SNX8: variants seen among roughly 807,000 people sequenced by gnomAD.
SNX8 encodes sorting nexin-8.
In SNX8, 25 loss-of-function variants were observed where a neutral mutation model predicts 51.6. The observed-to-expected ratio is 0.48, with a 90% CI of 0.35 to 0.68. SNX8 has a LOEUF of 0.68. SNX8 is among the 30% of genes least tolerant of loss of function. The pLI is 0.00. For missense variants in SNX8, 695 were observed against 624.0 expected (o/e 1.11, Z -1.21); for synonymous variants, 324 against 277.0 (o/e 1.17, Z -1.68).
chr7:2,336,006 G>C (rs184259255), intron 1 of SNX8, among the ~76,000 whole-genome samples: 18 of 151,548 alleles, frequency 1.2e-4, no homozygotes, highest in Admixed American at 8.6e-4. Flanking sequence ...GAGAGGCTGA[G>C]ACAGGAGAAT....
intron 5 of SNX8, 26 bp downstream of exon 5, chr7:2,269,533 A>G (rs750938664): frequency 3.1e-5 from 43 of 1,391,352 alleles, no homozygotes; most frequent in Admixed American, 4.7e-5. Context: ...TAAAAAAAAA[A>G]AAAAAGAAAA....
chr7:2,275,171 A>G lies in SNX8; in HGVS notation c.359T>C (p.Leu120Pro). The G allele has an allele frequency of 1.9e-6, 3 of 1,614,182 alleles. No individual in the cohort carries two copies. The highest frequency in any genetic ancestry group is 2.5e-6 in the Non-Finnish European group (3 of 1,180,020). Residue 120 changes from leucine (L) to proline (P), a missense_variant, in exon 3 of 11, where the codon CTC (leucine) becomes CCC (proline). Coordinates refer to ENST00000222990, the MANE Select transcript of SNX8 (RefSeq NM_013321.4). ...CATACGGTAGGGGAACTTGTGCAGG[A>G]GCATCTCCTGGAAGACCACGAAGTC... ...YNDFVVFQEM[L>P]LHKFPYRMVP...
chr7:2,346,737 C>CAAAAA (rs143462126), intron 1 of SNX8, among the ~76,000 whole-genome samples: 1 of 45,328 alleles, frequency 2.2e-5, no homozygotes, highest in African/African-American at 8.4e-5. Flanking sequence ...GACTCCGTCT[C>CAAAAA]AAAAAAAAAA....
chr7:2,306,708 G>A lies in SNX8; in HGVS notation c.94+7620C>T, dbSNP rs181368268. Among the ~76,000 whole-genome samples the A allele has an allele frequency of 3.2e-3, 481 of 152,138 alleles. 4 individuals carry two copies. The highest frequency in any genetic ancestry group is 0.011 in the African/African-American group (464 of 41,502). On this transcript the variant is annotated intron_variant, in intron 1 of 10. Coordinates refer to ENST00000222990, the MANE Select transcript of SNX8 (RefSeq NM_013321.4). ...AAAAGGAAATATATTAAAATGCAACGGCTGTTAAAAGGGGTGGAACTACAG... is the reference window on the plus strand; with the variant it reads ...AAAAGGAAATATATTAAAATGCAACAGCTGTTAAAAGGGGTGGAACTACAG...
In SNX8 at chr7:2,286,624, T is replaced by C. The variant is rs375346242; in HGVS notation, c.95-8319A>G. Reference sequence around the variant, plus strand: ...CCTCCACCTCCCGGGGTTCACGCCATTCTCCTGCCTCAGCCTCCTGAGTAG... The same window carrying C: ...CCTCCACCTCCCGGGGTTCACGCCACTCTCCTGCCTCAGCCTCCTGAGTAG... On this transcript the variant is annotated intron_variant, in intron 1 of 10. Transcript: ENST00000222990. Among the ~76,000 whole-genome samples the C allele has an allele frequency of 2.3e-4, 35 of 151,640 alleles. 1 individual carries two copies. The East Asian group carries it at 7.0e-3, about 30-fold the overall frequency.
At chr7:2,333,075 T>G (rs1345728395) in intron 1 of SNX8, among the ~76,000 whole-genome samples, 1 of 149,156 alleles carries the variant, frequency 6.7e-6, no homozygotes, top group Non-Finnish European at 1.5e-5. Flanking sequence ...TCTTTTTTGT[T>G]TCTTTTAAAT....
At chr7:2,268,764 C>A (rs1416866669) in intron 5 of SNX8, among the ~76,000 whole-genome samples, 1 of 17,956 alleles carries the variant, frequency 5.6e-5, no homozygotes, top group Non-Finnish European at 2.2e-4. Flanking sequence ...CCGCCCCGTC[C>A]GGGAGGTGAG....
intron 1 of SNX8, among the ~76,000 whole-genome samples, chr7:2,352,426 A>G (rs982774777): frequency 1.3e-5 from 2 of 152,152 alleles, no homozygotes; most frequent in Non-Finnish European, 2.9e-5. Context: ...AGACACAGAC[A>G]CACCACCAGA....
intron 1 of SNX8, among the ~76,000 whole-genome samples, chr7:2,301,021 G>A (rs1052816282): frequency 6.6e-6 from 1 of 152,090 alleles, no homozygotes; most frequent in Non-Finnish European, 1.5e-5. Context: ...ACTCACAACA[G>A]GCATTCTGAA....
At chr7:2,268,597 T>G (rs1225028063) in intron 5 of SNX8, among the ~76,000 whole-genome samples, 7 of 105,590 alleles carry the variant, frequency 6.6e-5, no homozygotes, top group South Asian at 6.5e-4. Context: ...GGGAGGGAGG[T>G]GGGGGGGTCA....
At chr7:2,338,229 G>A (rs190224666) in intron 1 of SNX8, among the ~76,000 whole-genome samples, 72 of 152,152 alleles carry the variant, frequency 4.7e-4, no homozygotes, top group African/African-American at 1.5e-3. Context: ...TTGGGAGGCC[G>A]AGGCGGGCGG....
At position 2,257,795 on chromosome 7, in the gene SNX8, C is replaced by T. The variant is rs749227602; in HGVS notation, c.924G>A (p.Gln308=). 1.2e-5 allele frequency: 19 copies of T among 1,613,856 alleles called. No individual in the cohort carries two copies. The highest frequency in any genetic ancestry group is 1.5e-5 in the Non-Finnish European group (18 of 1,179,974). ...GCTTCTCCACCACGTCGTTCTCTTC[C>T]TGCTTACCCTGGAAGGCGAGGGGGA... is the stretch of plus-strand genomic sequence containing the variant. The part of the protein sequence containing the change: ...LADKAAQQGK[Q]EENDVVEKLN... Residue 308 remains glutamine (Q), a synonymous_variant, in exon 8 of 11, where the codon CAG becomes CAA. Transcript: ENST00000222990.
At chr7:2,341,261 G>C (rs1032605526) in intron 1 of SNX8, among the ~76,000 whole-genome samples, 1 of 152,234 alleles carries the variant, frequency 6.6e-6, no homozygotes, top group South Asian at 2.1e-4. Flanking sequence ...GCTCACATGA[G>C]GCTGAGGCAG....
At chr7:2,294,206 T>C (rs1584712241) in intron 1 of SNX8, among the ~76,000 whole-genome samples, 1 of 151,324 alleles carries the variant, frequency 6.6e-6, no homozygotes, top group South Asian at 2.1e-4. Flanking sequence ...GAGGTTGCAG[T>C]GAGCCGAGAT....
intron 1 of SNX8, among the ~76,000 whole-genome samples, chr7:2,349,554 C>T (rs925240339): frequency 6.6e-6 from 1 of 151,542 alleles, no homozygotes; most frequent in Non-Finnish European, 1.5e-5. Context: ...AAGCGATTCT[C>T]CTGCCTCAGC....
rs571438167 is a variant in SNX8 at position 2,326,025 on chromosome 7, T to A, written c.-66+28197A>T. Among the ~76,000 whole-genome samples, 7 of 152,174 alleles carry A rather than the reference T, an allele frequency of 4.6e-5. No homozygotes were observed. The East Asian group carries it at 1.2e-3, about 25-fold the overall frequency. On this transcript the variant is annotated intron_variant, in intron 1 of 5. Coordinates refer to the SNX8 transcript ENST00000435336. ...TAACTAAGAAGACTTCCAAGCAAAG[T>A]ATTGAAAGTGAGGCTTGGTTTTTTC...
intron 10 of SNX8, among the ~76,000 whole-genome samples, 189 bp downstream of exon 10, chr7:2,256,685 T>C (rs1795186687): frequency 6.6e-6 from 1 of 152,236 alleles, no homozygotes; most frequent in Admixed American, 6.5e-5. Flanking sequence ...ACCCTCACGA[T>C]TCTGATTTTG....
chr7:2,302,007 C>T (rs1290465228), intron 1 of SNX8, among the ~76,000 whole-genome samples: 1 of 152,080 alleles, frequency 6.6e-6, no homozygotes, highest in East Asian at 1.9e-4. Flanking sequence ...CTTTGGGAGG[C>T]CGAGGCAGGC....
In SNX8 at chr7:2,268,755, C is replaced by T. The variant is rs1204046684; in HGVS notation, c.621+804G>A. Among the ~76,000 whole-genome samples the T allele has an allele frequency of 4.0e-4, 8 of 20,130 alleles. 1 individual carries two copies. The highest frequency in any genetic ancestry group is 1.6e-3 in the Admixed American group (4 of 2,526). 13.2% of individuals were successfully genotyped at this position (20,130 alleles called of 152,430 possible). Reference sequence around the variant, plus strand: ...GGGTCAGCCCCCCAGCCCGGCCAGCCGCCCCGTCCGGGAGGTGAGGGGCGC... The same window carrying T: ...GGGTCAGCCCCCCAGCCCGGCCAGCTGCCCCGTCCGGGAGGTGAGGGGCGC... On this transcript the variant is annotated intron_variant, in intron 5 of 10. Coordinates refer to ENST00000222990, the MANE Select transcript of SNX8 (RefSeq NM_013321.4).
Sources: gnomAD v4.1 joint callset for allele counts (sites outside exome capture counted in the v4.1 genomes callset) on GRCh38, gnomAD v4.1.1 for gene constraint, MANE v1.5 for transcripts, NCBI Gene and HGNC (gene_info 2026-07-23, HGNC 2026-07-21) for gene names.